Variants in GPBP1 observed in about 807,000 individuals in gnomAD.
GPBP1 encodes GC-rich promoter binding protein 1.
A neutral mutation model predicts 56.5 loss-of-function variants in GPBP1; 13 were observed. The observed-to-expected ratio is 0.23, with a 90% confidence interval of 0.15 to 0.37. The LOEUF (loss-of-function observed/expected upper bound fraction) is 0.37. Ranked by LOEUF, GPBP1 falls within the 10% of genes least tolerant of loss-of-function variation. The pLI is 1.00. For synonymous variants in GPBP1, 204 were observed against 188.9 expected (o/e 1.08, Z -0.66); for missense variants, 477 against 572.3 (o/e 0.83, Z 1.70).
intron 6 of GPBP1, among the ~76,000 whole-genome samples, chr5:57,238,470 A>AT (rs1740647691): frequency 6.6e-6 from 1 of 152,178 alleles, no homozygotes. Flanking sequence ...AGGCAGGAGA[A>AT]TCGCTTGAAC....
intron 2 of GPBP1, among the ~76,000 whole-genome samples, chr5:57,191,938 A>G (rs921219455): frequency 2.6e-5 from 4 of 152,240 alleles, no homozygotes; most frequent in Non-Finnish European, 5.9e-5. Context: ...AGACCATGAT[A>G]GTTCATTTGT....
chr5:57,218,260 A>G (rs1332013416), intron 3 of GPBP1, among the ~76,000 whole-genome samples: 1 of 152,142 alleles, frequency 6.6e-6, no homozygotes, highest in Non-Finnish European at 1.5e-5. Flanking sequence ...GTTCAGTCCC[A>G]CAAGACTGCT....
intron 3 of GPBP1, among the ~76,000 whole-genome samples, chr5:57,215,428 A>C (rs1755659905): frequency 6.6e-6 from 1 of 152,210 alleles, no homozygotes; most frequent in Admixed American, 6.5e-5. Context: ...TATCAAACCC[A>C]TCCGTTAGGC....
At position 57,236,958 on chromosome 5, in the gene GPBP1, A is replaced by C. The variant is rs1290742665; in HGVS notation, c.478+926A>C. On this transcript the variant is annotated intron_variant, in intron 6 of 11. Transcript: ENST00000506184. ...TGTGCTATATTGTATGTATGAGGTG[A>C]AACTCGGGAATTATTTTGTTTTCTT... 8 of 604,166 alleles carry C rather than the reference A, an allele frequency of 1.3e-5. No individual in the cohort carries two copies. In the Admixed American group the frequency reaches 1.6e-4, roughly 12 times the overall value. The allele number at this position is 604,166 out of a possible 1,614,324, so 37.4% of individuals were successfully genotyped here. A position where few individuals can be genotyped will look rare whatever the true frequency, so the allele number is the denominator to read the frequency against.
At chr5:57,256,414 T>C (rs1378610895) in intron 10 of GPBP1, among the ~76,000 whole-genome samples, 9 of 152,168 alleles carry the variant, frequency 5.9e-5, no homozygotes, top group Non-Finnish European at 1.3e-4. Flanking sequence ...TTTGAGACTT[T>C]ATAGATTACA....
intron 2 of GPBP1, among the ~76,000 whole-genome samples, chr5:57,201,101 G>A (rs1159540532): frequency 6.6e-6 from 1 of 152,208 alleles, no homozygotes; most frequent in African/African-American, 2.4e-5. Flanking sequence ...TGGGATTACA[G>A]GCATGAGCCA....
intron 3 of GPBP1, chr5:57,221,457 C>A: frequency 4.1e-6 from 4 of 987,208 alleles, no homozygotes; most frequent in Non-Finnish European, 6.2e-6. Flanking sequence ...TAGCAAATTC[C>A]ATTTGTTATG....
chr5:57,234,315 T>G (rs1217113712), intron 5 of GPBP1, among the ~76,000 whole-genome samples: 1 of 152,218 alleles, frequency 6.6e-6, no homozygotes, highest in African/African-American at 2.4e-5. Context: ...CTACCAAGAT[T>G]AGCTTTAGAG....
chr5:57,206,079 A>T (rs997976687), intron 2 of GPBP1, among the ~76,000 whole-genome samples: 3 of 152,066 alleles, frequency 2.0e-5, no homozygotes, highest in Non-Finnish European at 4.4e-5. Context: ...TGTACATTTT[A>T]AAATTGAGTT....
chr5:57,230,773 A>C, intron 3 of GPBP1, 73 bp from the exon 4 acceptor site: 1 of 1,308,968 alleles, frequency 7.6e-7, no homozygotes, highest in East Asian at 2.3e-5. Context: ...AAATAAGTGA[A>C]GTTGGAGTAT....
In GPBP1 at chr5:57,190,939, G is replaced by C. The variant is rs548673297; in HGVS notation, c.-58+14539G>C. The stretch of plus-strand genomic sequence containing the variant: ...CCTAGAACTCTAGGCAAAACATGTT[G>C]CCTTGAACTCTAGGTAAAACATGTT... On this transcript the variant is annotated intron_variant, in intron 2 of 11. Transcript: ENST00000506184. Among the ~76,000 whole-genome samples, 5 of 151,900 alleles carry C rather than the reference G, an allele frequency of 3.3e-5. No individual in the cohort carries two copies. The East Asian group carries it at 9.7e-4, about 30-fold the overall frequency.
intron 6 of GPBP1, among the ~76,000 whole-genome samples, chr5:57,239,449 G>A (rs1394369967): frequency 6.6e-6 from 1 of 152,206 alleles, no homozygotes; most frequent in Non-Finnish European, 1.5e-5. Context: ...AAAACTCACA[G>A]TATTGTAAAC....
intron 2 of GPBP1, among the ~76,000 whole-genome samples, chr5:57,190,395 G>A (rs566933562): frequency 6.6e-6 from 1 of 151,866 alleles, no homozygotes. Flanking sequence ...GACCAGCCTG[G>A]CCAACACGGT....
At chr5:57,231,003 A>G in intron 4 of GPBP1, 34 bp downstream of exon 4, 1 of 1,584,910 alleles carries the variant, frequency 6.3e-7, no homozygotes, top group South Asian at 1.2e-5. Flanking sequence ...TTTATGGCTA[A>G]TTTTCTTTAT....
At chr5:57,183,417 G>A (rs1754147810) in intron 2 of GPBP1, among the ~76,000 whole-genome samples, 1 of 152,070 alleles carries the variant, frequency 6.6e-6, no homozygotes, top group African/African-American at 2.4e-5. Context: ...CAACTCTTAA[G>A]TTATCCTTTC....
intron 6 of GPBP1, among the ~76,000 whole-genome samples, chr5:57,236,468 T>TA (rs1554072246): frequency 6.6e-6 from 1 of 152,310 alleles, no homozygotes; most frequent in South Asian, 2.1e-4. Flanking sequence ...TATATATATA[T>TA]ACACATATAT....
chr5:57,217,656 ATAAT>A (rs1755757160), intron 3 of GPBP1, among the ~76,000 whole-genome samples: 1 of 152,234 alleles, frequency 6.6e-6, no homozygotes, highest in Admixed American at 6.5e-5. Context: ...TTGCCTCTAA[ATAAT>A]GAGACAATGC....
In GPBP1 at chr5:57,262,210, C is replaced by T. The variant is rs181879205; in HGVS notation, c.1264-384C>T. On this transcript the variant is annotated intron_variant, in intron 11 of 11. Transcript: ENST00000506184. The stretch of plus-strand genomic sequence containing the variant: ...TCTAGTATCTTCATCTCCGGTTAAA[C>T]GAGACAATTTTGTAACTTTATATAC... Among the ~76,000 whole-genome samples, 44 of 152,224 alleles carry T rather than the reference C, an allele frequency of 2.9e-4. No homozygotes were observed. The East Asian group carries it at 4.0e-3, about 14-fold the overall frequency.
chr5:57,208,582 T>C lies in GPBP1; in HGVS notation c.-57-5492T>C, dbSNP rs2111735555. On this transcript the variant is annotated intron_variant, in intron 2 of 11. Coordinates refer to ENST00000506184, the MANE Select transcript of GPBP1 (RefSeq NM_022913.4). ...TTACGTTGAATCTGTAGATCATGTT[T>C]GGGTAGTGTTGTTGTCTTAACAGTG... Among the ~76,000 whole-genome samples the C allele has an allele frequency of 1.3e-5, 2 of 152,002 alleles. 1 individual carries two copies. Among genetic ancestry groups the C allele is most frequent in the African/African-American group, 4.8e-5 (2 of 41,484 alleles).
Sources: gnomAD v4.1 joint callset for allele counts (sites outside exome capture counted in the v4.1 genomes callset) on GRCh38, gnomAD v4.1.1 for gene constraint, MANE v1.5 for transcripts, NCBI Gene and HGNC (gene_info 2026-07-23, HGNC 2026-07-21) for gene names.